The following ZNF589 variants were observed in gnomAD, a reference collection of about 807,000 sequenced individuals.
The protein encoded by ZNF589 is zinc finger protein 589, also known as KRAB-zinc finger protein SZF1-1.
Under a neutral mutation model 13.6 loss-of-function variants are expected in ZNF589, and 17 were observed. The ratio of observed to expected loss-of-function variants is 1.25; its 90% CI spans 0.86 to 1.88. The LOEUF is 1.88. Among genes scored for constraint, ZNF589 ranks in the 40% most tolerant of loss-of-function variants. The pLI, the probability that ZNF589 is intolerant of heterozygous loss-of-function variation, is 0.00. For synonymous variants in ZNF589, 148 were observed against 161.6 expected, an observed-to-expected ratio of 0.92 and a Z score of 0.64; for missense variants, 407 against 434.0, an observed-to-expected ratio of 0.94 and a Z score of 0.55.
chr3:48,255,797 G>T (rs796684606), intron 2 of ZNF589, among the ~76,000 whole-genome samples: 6 of 151,782 alleles, frequency 4.0e-5, no homozygotes, highest in Non-Finnish European at 5.9e-5. Flanking sequence ...CCAGAGACGG[G>T]GTCTTGCCAT....
intron 1 of ZNF589, among the ~76,000 whole-genome samples, chr3:48,247,316 AAC>A (rs578210821): frequency 4.5e-4 from 69 of 152,006 alleles, no homozygotes; most frequent in African/African-American, 1.2e-3. Flanking sequence ...AGAGTCACAT[AAC>A]ACATGGGGGG....
chr3:48,265,772 CAA>C (rs1290744607), intron 3 of ZNF589, among the ~76,000 whole-genome samples: 2 of 151,994 alleles, frequency 1.3e-5, no homozygotes, highest in African/African-American at 2.4e-5. Context: ...TAAATAAACT[CAA>C]AATTTTTATT....
intron 2 of ZNF589, chr3:48,257,890 G>A (rs1250636456): frequency 1.9e-5 from 8 of 421,586 alleles, no homozygotes; most frequent in Admixed American, 1.9e-4. Context: ...CTGGGTTTTC[G>A]GTTCTCTTCT....
At position 48,241,350 on chromosome 3, in the gene ZNF589, T is replaced by C; in HGVS notation, c.43+136T>C. ...GCGCTGACTACCCCTACAGCGGCTC[T>C]TACTCCCCTGGGGGGCCAGGTTCCT... On this transcript the variant is annotated intron_variant, in intron 1 of 3. Coordinates refer to ENST00000354698, the MANE Select transcript of ZNF589 (RefSeq NM_016089.3). 3.5e-6 allele frequency: 4 copies of C among 1,131,162 alleles called. No homozygotes were observed. In the South Asian group the frequency reaches 4.5e-5, roughly 13 times the overall value. 70.1% of individuals were successfully genotyped at this position (1,131,162 alleles called of 1,614,324 possible).
rs531526583 is a variant in ZNF589, at chr3:48,249,107, C to T, written c.96+1430C>T. Among the ~76,000 whole-genome samples the T allele has an allele frequency of 1.6e-3, 228 of 144,002 alleles. 1 individual carries two copies. The highest frequency in any genetic ancestry group is 5.5e-3 in the African/African-American group (214 of 39,162). 94.5% of individuals were successfully genotyped at this position (144,002 alleles called of 152,430 possible). A position where few individuals can be genotyped will look rare whatever the true frequency, so the allele number is the denominator to read the frequency against. ...CTTCTCTGCCCCAACCTTTTTTTTTCTTTTTTTTTTTTGAGACAGAGTTTC... is the reference window on the plus strand; with the variant it reads ...CTTCTCTGCCCCAACCTTTTTTTTTTTTTTTTTTTTTTGAGACAGAGTTTC... On this transcript the variant is annotated intron_variant, in intron 2 of 3. Coordinates refer to ENST00000354698, the MANE Select transcript of ZNF589 (RefSeq NM_016089.3).
At chr3:48,259,446 G>C (rs1199035167) in intron 2 of ZNF589, among the ~76,000 whole-genome samples, 3 of 152,126 alleles carry the variant, frequency 2.0e-5, no homozygotes, top group Non-Finnish European at 4.4e-5. Flanking sequence ...TGTCATCTTT[G>C]ATTTGCTAGA....
rs1575293849 is a variant in ZNF589, at chr3:48,256,734, G to A, written c.97-4079G>A. ...AGGTTCCAGTGGCAGATGGGGCACT[G>A]GCCAGAGGGGTTAGGAGGATTTGGA... is the stretch of plus-strand genomic sequence containing the variant. On this transcript the variant is annotated intron_variant, in intron 2 of 3. Transcript: ENST00000354698. The A allele has an allele frequency of 2.5e-6, 4 of 1,602,780 alleles. No individual in the cohort carries two copies. The East Asian group carries it at 9.0e-5, about 36-fold the overall frequency.
In ZNF589 at chr3:48,242,123, T is replaced by C. The variant is rs538570139; in HGVS notation, c.43+909T>C. On this transcript the variant is annotated intron_variant, in intron 1 of 3. Coordinates refer to ENST00000354698, the MANE Select transcript of ZNF589 (RefSeq NM_016089.3). ...CACCCCACCCGGCCCAAAAGACTTTTTTTTTGGAGACAGAGTCTTGCTCTG... is the reference window on the plus strand; with the variant it reads ...CACCCCACCCGGCCCAAAAGACTTTCTTTTTGGAGACAGAGTCTTGCTCTG... Among the ~76,000 whole-genome samples, 6 of 151,926 alleles carry C rather than the reference T, an allele frequency of 3.9e-5. No homozygotes were observed. In the East Asian group the frequency reaches 1.2e-3, roughly 29 times the overall value.
At chr3:48,244,577 T>C (rs2033740006) in intron 1 of ZNF589, among the ~76,000 whole-genome samples, 1 of 152,172 alleles carries the variant, frequency 6.6e-6, no homozygotes, top group Admixed American at 6.6e-5. Flanking sequence ...TATGTCTTTA[T>C]GAAATCACTT....
chr3:48,270,423 C>T lies in ZNF589; in HGVS notation c.*1637C>T. On this transcript the variant is annotated 3_prime_UTR_variant, in exon 4 of 4. Coordinates refer to ENST00000354698, the MANE Select transcript of ZNF589 (RefSeq NM_016089.3). ...ATTTTAAACACAGCTCCTCTTAAAT[C>T]CTCCAATCTCAGTACCCAGTGTTTT... 2.8e-6 allele frequency: 1 copy of T among 360,464 alleles called. No individual in the cohort carries two copies. Among genetic ancestry groups the T allele is most frequent in the Non-Finnish European group, 5.4e-6 (1 of 184,156 alleles). The allele number at this position is 360,464 out of a possible 1,614,324, so 22.3% of individuals were successfully genotyped here.
At chr3:48,247,970 C>A (rs1431833552) in intron 2 of ZNF589, among the ~76,000 whole-genome samples, 1 of 152,128 alleles carries the variant, frequency 6.6e-6, no homozygotes, top group African/African-American at 2.4e-5. Context: ...TATTAAAGTT[C>A]CCTACATCAA....
At chr3:48,241,644 C>T (rs1486972909) in intron 1 of ZNF589, among the ~76,000 whole-genome samples, 5 of 152,078 alleles carry the variant, frequency 3.3e-5, no homozygotes, top group African/African-American at 1.2e-4. Context: ...CAGTTCTCTG[C>T]CTCAGCCTGC....
At chr3:48,245,652 G>C (rs1485342989) in intron 1 of ZNF589, among the ~76,000 whole-genome samples, 1 of 152,080 alleles carries the variant, frequency 6.6e-6, no homozygotes, top group Non-Finnish European at 1.5e-5. Context: ...CCTCAGCAAA[G>C]ATATGGAAGA....
chr3:48,257,845 A>G, intron 2 of ZNF589: 2 of 360,652 alleles, frequency 5.5e-6, no homozygotes, highest in Non-Finnish European at 1.1e-5. Context: ...TACTTTTACA[A>G]AAATCCACTT....
At chr3:48,256,797 T>C (rs746078916) in intron 2 of ZNF589, 4 of 1,569,960 alleles carry the variant, frequency 2.5e-6, no homozygotes, top group Admixed American at 1.7e-5. Flanking sequence ...CCTTCAATTA[T>C]AGTTGTCTTT....
Position 48,269,018 on chromosome 3 carries a change from C to A in ZNF589, c.*232C>A. On this transcript the variant is annotated 3_prime_UTR_variant, in exon 4 of 4. Transcript: ENST00000354698. ...TCGGAGAACACACTCAGGGGAGAAGCCTTATGTGTGTGGGGAATGTGGGCG... is the reference window on the plus strand; with the variant it reads ...TCGGAGAACACACTCAGGGGAGAAGACTTATGTGTGTGGGGAATGTGGGCG... 1.4e-6 allele frequency: 1 copy of A among 713,170 alleles called. No individual in the cohort carries two copies. Among genetic ancestry groups the A allele is most frequent in the Non-Finnish European group, 2.4e-6 (1 of 423,052 alleles). 44.2% of individuals were successfully genotyped at this position (713,170 alleles called of 1,614,324 possible).
intron 3 of ZNF589, among the ~76,000 whole-genome samples, chr3:48,265,041 T>G (rs36092070): frequency 0.28 from 41,471 of 150,722 alleles, 6,061 homozygotes; most frequent in Non-Finnish European, 0.3. Flanking sequence ...GTGTGATCCC[T>G]GCTCACTGCA....
intron 3 of ZNF589, among the ~76,000 whole-genome samples, chr3:48,266,802 A>C (rs2034024155): frequency 6.6e-6 from 1 of 152,250 alleles, no homozygotes; most frequent in East Asian, 1.9e-4. Context: ...AGAATCTTCC[A>C]AGTAGGCATC....
intron 2 of ZNF589, among the ~76,000 whole-genome samples, chr3:48,248,839 A>T (rs2033800251): frequency 6.6e-6 from 1 of 152,222 alleles, no homozygotes; most frequent in South Asian, 2.1e-4. Flanking sequence ...TTGGATTGAT[A>T]ATCAAATTCA....
Sources: gnomAD v4.1 joint callset for allele counts (sites outside exome capture counted in the v4.1 genomes callset) on GRCh38, gnomAD v4.1.1 for gene constraint, MANE v1.5 for transcripts, NCBI Gene and HGNC (gene_info 2026-07-23, HGNC 2026-07-21) for gene names.